Variants in RALGAPA2 observed in about 807,000 individuals in gnomAD.
The protein encoded by RALGAPA2 is ral GTPase-activating protein subunit alpha-2.
Under a neutral mutation model 230.4 loss-of-function variants are expected in RALGAPA2, and 139 were observed. The ratio of observed to expected loss-of-function variants is 0.60; its 90% CI spans 0.53 to 0.69. The LOEUF is 0.69. RALGAPA2 is among the 30% of genes least tolerant of loss of function. The pLI is 0.00. For missense variants in RALGAPA2, 2,163 were observed against 2,276.0 expected (o/e 0.95, Z 1.01); for synonymous variants, 847 against 837.8 (o/e 1.01, Z -0.19).
At chr20:20,697,521 A>C (rs1343232071) in intron 1 of RALGAPA2, among the ~76,000 whole-genome samples, 2 of 152,182 alleles carry the variant, frequency 1.3e-5, no homozygotes, top group East Asian at 1.9e-4. Flanking sequence ...TGTGGGAGGT[A>C]ATGTGCCAGA....
Position 20,431,846 on chromosome 20 carries a change from T to C in RALGAPA2, c.5496-19698A>G, listed in dbSNP as rs187183816. Among the ~76,000 whole-genome samples, 80 of 152,284 alleles carry C rather than the reference T, an allele frequency of 5.3e-4. 1 individual carries two copies. Among genetic ancestry groups the C allele is most frequent in the African/African-American group, 1.8e-3 (75 of 41,546 alleles). ...CTGATGGTTCCAAATGTCACTTCTATAGCATGTGTGCACCTCTCTATGCAG... is the reference window on the plus strand; with the variant it reads ...CTGATGGTTCCAAATGTCACTTCTACAGCATGTGTGCACCTCTCTATGCAG... On this transcript the variant is annotated intron_variant, in intron 37 of 39. Transcript: ENST00000202677.
At chr20:20,653,052 C>T (rs531118081) in intron 4 of RALGAPA2, among the ~76,000 whole-genome samples, 6 of 151,652 alleles carry the variant, frequency 4.0e-5, no homozygotes, top group Non-Finnish European at 5.9e-5. Flanking sequence ...AAAAATTAGC[C>T]GGGCATGGTG....
intron 10 of RALGAPA2, among the ~76,000 whole-genome samples, chr20:20,624,328 CAAAAAAA>C (rs748683871): frequency 2.0e-5 from 1 of 49,162 alleles, no homozygotes; most frequent in African/African-American, 7.0e-5. Flanking sequence ...ACTCCATCTC[CAAAAAAA>C]AAAAAAAAAA....
intron 27 of RALGAPA2, among the ~76,000 whole-genome samples, chr20:20,526,650 T>G (rs1263918854): frequency 1.3e-5 from 2 of 152,226 alleles, no homozygotes; most frequent in Non-Finnish European, 2.9e-5. Flanking sequence ...AAATTTCTTA[T>G]TCAGCTCACA....
intron 10 of RALGAPA2, among the ~76,000 whole-genome samples, chr20:20,624,992 T>A (rs984450022): frequency 6.6e-6 from 1 of 152,206 alleles, no homozygotes; most frequent in Non-Finnish European, 1.5e-5. Flanking sequence ...TAATCTCAAC[T>A]GACGTCTGTC....
At chr20:20,642,390 T>C (rs1373986295) in intron 5 of RALGAPA2, among the ~76,000 whole-genome samples, 1 of 152,034 alleles carries the variant, frequency 6.6e-6, no homozygotes, top group Non-Finnish European at 1.5e-5. Flanking sequence ...TTTGTATTTT[T>C]AGTAGAGACG....
In RALGAPA2 at chr20:20,571,579, T is replaced by C. The variant is rs746397365; in HGVS notation, c.3035A>G (p.Lys1012Arg). 1.4e-5 allele frequency: 22 copies of C among 1,611,648 alleles called. 1 individual carries two copies. Among genetic ancestry groups the C allele is most frequent in the Middle Eastern group, 1.6e-4 (1 of 6,078 alleles). The change falls in exon 23 of 40, where the codon AAA becomes AGA. Residue 1012 changes from lysine to arginine, a missense_variant. By Grantham distance (26) the Lys-to-Arg change is conservative. Transcript: ENST00000202677. ...ATLPNEYKEG[K>R]LQAYRLICAM... ...ACAGATCAGCCTGTAGGCTTGTAGT[T>C]TGCCTTCCTTATATTCATTTGGCAG...
chr20:20,694,753 C>T (rs959012905), intron 1 of RALGAPA2, among the ~76,000 whole-genome samples: 4 of 152,120 alleles, frequency 2.6e-5, no homozygotes, highest in Non-Finnish European at 4.4e-5. Context: ...CATGTAAAAC[C>T]GTGTTTGTGT....
intron 30 of RALGAPA2, among the ~76,000 whole-genome samples, chr20:20,522,761 T>C (rs927736421): frequency 6.6e-6 from 1 of 152,288 alleles, no homozygotes; most frequent in Non-Finnish European, 1.5e-5. Context: ...AGTTATTTAG[T>C]AAATTTATGA....
intron 3 of RALGAPA2, among the ~76,000 whole-genome samples, chr20:20,667,254 A>G (rs2067983717): frequency 6.6e-6 from 1 of 152,186 alleles, no homozygotes; most frequent in South Asian, 2.1e-4. Flanking sequence ...ACTCTAAGGA[A>G]AAAAATTAGG....
intron 36 of RALGAPA2, among the ~76,000 whole-genome samples, chr20:20,489,340 T>A (rs2061991759): frequency 1.3e-5 from 2 of 152,036 alleles, no homozygotes; most frequent in Admixed American, 6.5e-5. Context: ...AACAGGAAAA[T>A]TAAGAATCTA....
chr20:20,419,432 C>T (rs551771702), intron 37 of RALGAPA2, among the ~76,000 whole-genome samples: 8 of 152,070 alleles, frequency 5.3e-5, no homozygotes, highest in Non-Finnish European at 8.8e-5. Flanking sequence ...CAAAGAAGTC[C>T]ATTTGACTCA....
At chr20:20,573,131 T>C (rs1184606408) in intron 20 of RALGAPA2, 63 bp from the exon 21 acceptor site, 1 of 1,332,844 alleles carries the variant, frequency 7.5e-7, no homozygotes, top group African/African-American at 1.5e-5. Flanking sequence ...ACCTTTTTTC[T>C]TTAAGGCAAA....
intron 9 of RALGAPA2, among the ~76,000 whole-genome samples, chr20:20,634,725 C>T (rs1449832405): frequency 2.0e-5 from 3 of 152,222 alleles, no homozygotes; most frequent in African/African-American, 4.8e-5. Context: ...GAGCACACAA[C>T]ACCATGATCC....
chr20:20,454,095 T>C (rs2061052080), intron 37 of RALGAPA2, among the ~76,000 whole-genome samples: 1 of 152,224 alleles, frequency 6.6e-6, no homozygotes, highest in South Asian at 2.1e-4. Context: ...AGTTTTCCTG[T>C]GAGCTAAGCT....
At chr20:20,474,837 G>C (rs1208736533) in intron 36 of RALGAPA2, among the ~76,000 whole-genome samples, 1 of 152,148 alleles carries the variant, frequency 6.6e-6, no homozygotes, top group Non-Finnish European at 1.5e-5. Flanking sequence ...CTAGAGTCAG[G>C]GGAAAGGCCT....
chr20:20,617,892 C>CT (rs1301777225), intron 12 of RALGAPA2, among the ~76,000 whole-genome samples: 3 of 151,976 alleles, frequency 2.0e-5, no homozygotes, highest in Admixed American at 1.3e-4. Context: ...CAAAGTAAAT[C>CT]TTTTTTTTAA....
At chr20:20,694,182 G>A (rs2146938345) in intron 1 of RALGAPA2, among the ~76,000 whole-genome samples, 1 of 152,008 alleles carries the variant, frequency 6.6e-6, no homozygotes, top group Non-Finnish European at 1.5e-5. Context: ...AGGGAAGCAT[G>A]CCTGGAAATC....
intron 31 of RALGAPA2, among the ~76,000 whole-genome samples, chr20:20,518,724 T>C (rs1189424140): frequency 6.6e-6 from 1 of 152,216 alleles, no homozygotes; most frequent in East Asian, 1.9e-4. Flanking sequence ...CCTTTTTCAA[T>C]AACCTATTTA....
Sources: gnomAD v4.1 joint callset for allele counts (sites outside exome capture counted in the v4.1 genomes callset) on GRCh38, gnomAD v4.1.1 for gene constraint, MANE v1.5 for transcripts, NCBI Gene and HGNC (gene_info 2026-07-23, HGNC 2026-07-21) for gene names.